Variants in WIPF3 observed in about 807,000 individuals in gnomAD.
WIPF3 encodes WAS/WASL interacting protein family member 3, also known as WAS/WASL-interacting protein family member 3.
A neutral mutation model predicts 38.9 loss-of-function variants in WIPF3; 33 were observed. The observed-to-expected ratio is 0.85, with a 90% CI of 0.64 to 1.14. The LOEUF (loss-of-function observed/expected upper bound fraction) is 1.14. WIPF3 is among the 50% of genes most tolerant of loss of function. The pLI is 0.00. For synonymous variants in WIPF3, 324 were observed against 269.3 expected (o/e 1.20, Z -1.99); for missense variants, 711 against 652.5 (o/e 1.09, Z -0.98).
At chr7:29,808,382 A>G (rs1033327758) in intron 1 of WIPF3, among the ~76,000 whole-genome samples, 3 of 152,244 alleles carry the variant, frequency 2.0e-5, no homozygotes, top group African/African-American at 4.8e-5. Flanking sequence ...ATTCGCAGCA[A>G]TTCTTTAACA....
intron 4 of WIPF3, among the ~76,000 whole-genome samples, chr7:29,882,328 G>A (rs1785737262): frequency 6.6e-6 from 1 of 152,164 alleles, no homozygotes; most frequent in Non-Finnish European, 1.5e-5. Context: ...CCTTGTTTAG[G>A]CAGCTGCCTA....
intron 4 of WIPF3, 121 bp downstream of exon 4, chr7:29,879,261 G>A (rs1785669060): frequency 2.4e-6 from 3 of 1,255,188 alleles, no homozygotes; most frequent in Admixed American, 2.3e-5. Flanking sequence ...TGATAGAGTA[G>A]AAGATCATGT....
chr7:29,861,511 C>T (rs1219190315), intron 2 of WIPF3, among the ~76,000 whole-genome samples: 1 of 152,156 alleles, frequency 6.6e-6, no homozygotes, highest in Non-Finnish European at 1.5e-5. Flanking sequence ...GTTTTCTCTT[C>T]GTTGTGACCT....
intron 7 of WIPF3, among the ~76,000 whole-genome samples, chr7:29,897,526 G>A (rs4722956): frequency 0.66 from 99,930 of 151,954 alleles, 33,704 homozygotes; most frequent in East Asian, 0.88. Flanking sequence ...TGGCCATTCT[G>A]ACAGGTGTGA....
chr7:29,885,589 T>C (rs1040392608), intron 5 of WIPF3, among the ~76,000 whole-genome samples: 2 of 152,188 alleles, frequency 1.3e-5, no homozygotes, highest in Non-Finnish European at 2.9e-5. Context: ...TGCATGAAGA[T>C]GGCTTGAGGT....
At chr7:29,911,582 G>C (rs1469101113) in intron 8 of WIPF3, among the ~76,000 whole-genome samples, 1 of 151,972 alleles carries the variant, frequency 6.6e-6, no homozygotes, top group African/African-American at 2.4e-5. Flanking sequence ...AGACCAATGG[G>C]ATAGAATAAA....
Position 29,884,489 on chromosome 7 carries a change from G to C in WIPF3, c.995G>C (p.Ser332Thr). 1 of 1,553,604 alleles carries C rather than the reference G, an allele frequency of 6.4e-7. No individual in the cohort carries two copies. Among genetic ancestry groups the C allele is most frequent in the Non-Finnish European group, 8.7e-7 (1 of 1,152,480 alleles). Residue 332 changes from serine (S) to threonine (T), a missense_variant, in exon 5 of 9, where the codon AGC becomes ACC. Physicochemically the swap from Ser to Thr is moderately conservative, Grantham distance 58. Coordinates refer to ENST00000242140, the MANE Select transcript of WIPF3 (RefSeq NM_001080529.3). ...CCCCCGCTACCCCCTAAATCCCCCA[G>C]CTTCCAGGCCCCACCGCAGAAGGCC... The part of the protein sequence containing the change: ...TPPPLPPKSP[S>T]FQAPPQKAGA...
intron 2 of WIPF3, among the ~76,000 whole-genome samples, chr7:29,857,167 G>A (rs184710600): frequency 3.3e-5 from 5 of 152,052 alleles, no homozygotes; most frequent in Admixed American, 2.6e-4. Context: ...GGCCCTCACT[G>A]GGAACTCACA....
intron 6 of WIPF3, 101 bp downstream of exon 6, chr7:29,888,318 G>A: frequency 7.0e-7 from 1 of 1,429,998 alleles, no homozygotes; most frequent in Non-Finnish European, 9.4e-7. Context: ...GCCATCTCAG[G>A]GTGCATGCTT....
chr7:29,857,062 C>G (rs1045512823), intron 2 of WIPF3, among the ~76,000 whole-genome samples: 1 of 152,048 alleles, frequency 6.6e-6, no homozygotes, highest in Non-Finnish European at 1.5e-5. Flanking sequence ...GTAGGCTGAG[C>G]GGGAACTGAG....
intron 2 of WIPF3, among the ~76,000 whole-genome samples, chr7:29,873,544 T>G (rs1386849795): frequency 6.6e-6 from 1 of 152,188 alleles, no homozygotes; most frequent in Non-Finnish European, 1.5e-5. Flanking sequence ...TCTTAAAATT[T>G]TGCAGCTTAA....
At chr7:29,842,399 CG>C (rs1235286314) in intron 2 of WIPF3, among the ~76,000 whole-genome samples, 2 of 152,182 alleles carry the variant, frequency 1.3e-5, no homozygotes, top group African/African-American at 2.4e-5. Context: ...TCTGCCTGCC[CG>C]TTCCGGGAGT....
chr7:29,885,471 T>C (rs1488553537), intron 5 of WIPF3, among the ~76,000 whole-genome samples: 5 of 152,216 alleles, frequency 3.3e-5, no homozygotes, highest in Admixed American at 3.3e-4. Flanking sequence ...AAAAGTATTT[T>C]CTTGACTTAA....
intron 8 of WIPF3, among the ~76,000 whole-genome samples, chr7:29,906,385 A>G (rs1174855588): frequency 6.6e-6 from 1 of 152,192 alleles, no homozygotes; most frequent in Non-Finnish European, 1.5e-5. Context: ...AATACAACAA[A>G]TGAAATGAAA....
At position 29,845,285 on chromosome 7, in the gene WIPF3, G is replaced by C. The variant is rs555077723; in HGVS notation, c.90+10471G>C. Among the ~76,000 whole-genome samples the C allele has an allele frequency of 5.3e-5, 8 of 152,334 alleles. No homozygotes were observed. In the South Asian group the frequency reaches 1.7e-3, roughly 32 times the overall value. On this transcript the variant is annotated intron_variant, in intron 2 of 8. Coordinates refer to ENST00000242140, the MANE Select transcript of WIPF3 (RefSeq NM_001080529.3). ...CAGAAGGATAGGGTCTCTGCTGCTA[G>C]CAGTGCGGGGCACATAGTGAGGACA... is the stretch of plus-strand genomic sequence containing the variant.
chr7:29,905,900 A>G (rs550313936), intron 8 of WIPF3: 19 of 152,300 alleles, frequency 1.2e-4, no homozygotes, highest in African/African-American at 4.3e-4. Flanking sequence ...ATATATGATG[A>G]AAATTAGAAA....
chr7:29,816,214 G>C (rs1051593149), intron 1 of WIPF3, among the ~76,000 whole-genome samples: 10 of 152,142 alleles, frequency 6.6e-5, no homozygotes, highest in Non-Finnish European at 1.0e-4. Context: ...GTATAAAAAG[G>C]ATGTTCACTG....
intron 2 of WIPF3, among the ~76,000 whole-genome samples, chr7:29,870,554 T>G (rs1402701101): frequency 2.6e-5 from 4 of 152,132 alleles, no homozygotes; most frequent in African/African-American, 9.7e-5. Context: ...CAGCTGCAGA[T>G]AGTAACCAAG....
At chr7:29,879,522 C>T (rs1334812808) in intron 4 of WIPF3, among the ~76,000 whole-genome samples, 2 of 152,152 alleles carry the variant, frequency 1.3e-5, no homozygotes, top group Non-Finnish European at 2.9e-5. Context: ...TGTAATGATT[C>T]GGTCATCATA....
Sources: gnomAD v4.1 joint callset for allele counts (sites outside exome capture counted in the v4.1 genomes callset) on GRCh38, gnomAD v4.1.1 for gene constraint, MANE v1.5 for transcripts, NCBI Gene and HGNC (gene_info 2026-07-23, HGNC 2026-07-21) for gene names.